The following FBXO16 variants were observed in gnomAD, a reference collection of about 807,000 sequenced individuals.
The protein encoded by FBXO16 is F-box protein 16.
Under a neutral mutation model 41.0 loss-of-function variants are expected in FBXO16, and 31 were observed. That is an observed-to-expected ratio of 0.76 (90% CI 0.57 to 1.02). FBXO16 has a LOEUF of 1.02. Among genes scored for constraint, FBXO16 ranks in the 50% least tolerant of loss-of-function variants. FBXO16 has a pLI of 0.00. For missense variants in FBXO16, 361 were observed against 346.2 expected, an observed-to-expected ratio of 1.04 and a Z score of -0.34; for synonymous variants, 133 against 117.8, an observed-to-expected ratio of 1.13 and a Z score of -0.84.
In FBXO16 at chr8:28,428,601, G is replaced by A. The variant is rs1585885032; in HGVS notation, c.*126C>T. On this transcript the variant is annotated 3_prime_UTR_variant, in exon 9 of 9. Transcript: ENST00000380254. The stretch of plus-strand genomic sequence containing the variant: ...TCTGGAACCTGGATGAGTCATGCTT[G>A]GGGCCCAGGGTGCCTGTGAGGATGC... 6 of 1,551,384 alleles carry A rather than the reference G, an allele frequency of 3.9e-6. No homozygotes were observed. Among genetic ancestry groups the A allele is most frequent in the Non-Finnish European group, 5.2e-6 (6 of 1,146,980 alleles).
At chr8:28,482,354 T>C (rs749895940) in intron 2 of FBXO16, among the ~76,000 whole-genome samples, 1 of 152,098 alleles carries the variant, frequency 6.6e-6, no homozygotes, top group African/African-American at 2.4e-5. Context: ...ATGGTGATTG[T>C]GTTTTCCTGA....
intron 4 of FBXO16, among the ~76,000 whole-genome samples, chr8:28,458,762 A>G (rs1382556852): frequency 1.3e-5 from 2 of 151,740 alleles, no homozygotes. Flanking sequence ...TCTTCTTTAG[A>G]TCACGTTTTG....
intron 1 of FBXO16, among the ~76,000 whole-genome samples, chr8:28,488,300 T>G (rs988276892): frequency 1.4e-5 from 2 of 138,294 alleles, no homozygotes; most frequent in African/African-American, 5.5e-5. Flanking sequence ...AGCCTTTTTT[T>G]TTTTTTTTTT....
chr8:28,436,447 G>A (rs1418569672), intron 7 of FBXO16, among the ~76,000 whole-genome samples: 3 of 152,192 alleles, frequency 2.0e-5, no homozygotes, highest in Admixed American at 6.6e-5. Context: ...CACAGGCCTG[G>A]CTTTGTGTTT....
intron 7 of FBXO16, among the ~76,000 whole-genome samples, chr8:28,442,149 A>G (rs1802791136): frequency 6.6e-6 from 1 of 151,928 alleles, no homozygotes; most frequent in Middle Eastern, 3.2e-3. Context: ...CACGTTGGCC[A>G]GGCCGGTCTC....
chr8:28,462,377 C>G (rs987576992), intron 4 of FBXO16, among the ~76,000 whole-genome samples: 1 of 151,220 alleles, frequency 6.6e-6, no homozygotes, highest in Non-Finnish European at 1.5e-5. Context: ...CTCCCAGGTT[C>G]ACGCCATTCT....
At chr8:28,439,623 G>A (rs111433915) in intron 7 of FBXO16, among the ~76,000 whole-genome samples, 1 of 151,856 alleles carries the variant, frequency 6.6e-6, no homozygotes, top group African/African-American at 2.4e-5. Context: ...TGGTGCACAG[G>A]TCCCGGCTAC....
chr8:28,463,731 G>C lies in FBXO16; in HGVS notation c.223C>G (p.Arg75Gly), dbSNP rs777366526. 2.5e-6 allele frequency: 4 copies of C among 1,614,054 alleles called. No homozygotes were observed. The highest frequency in any genetic ancestry group is 1.3e-5 in the African/African-American group (1 of 74,918). ...CSLSQQKFCCRKLQEKIPAEA... is the reference protein window; with the variant it reads ...CSLSQQKFCCGKLQEKIPAEA... Reference sequence around the variant, plus strand: ...GCTGGAATTTTCTCTTGAAGCTTTCGACAGCAGAACTTTTGCTGGGACAGC... The same window carrying C: ...GCTGGAATTTTCTCTTGAAGCTTTCCACAGCAGAACTTTTGCTGGGACAGC... The change falls in exon 4 of 9, where the codon CGA becomes GGA. Residue 75 changes from arginine (R) to glycine (G), a missense_variant. Coordinates refer to ENST00000380254, the MANE Select transcript of FBXO16 (RefSeq NM_172366.4).
intron 7 of FBXO16, among the ~76,000 whole-genome samples, chr8:28,433,104 T>TAAC (rs10551699): frequency 0.049 from 6,483 of 132,840 alleles, 366 homozygotes; most frequent in East Asian, 0.22. Context: ...AAACAAAACA[T>TAAC]AACAACAACA....
At chr8:28,471,429 TC>T (rs1803332533) in intron 3 of FBXO16, among the ~76,000 whole-genome samples, 1 of 151,458 alleles carries the variant, frequency 6.6e-6, no homozygotes, top group Non-Finnish European at 1.5e-5. Context: ...CTTCCTTCCT[TC>T]CCTCCTTCCT....
chr8:28,448,208 G>A (rs910689769), intron 6 of FBXO16, among the ~76,000 whole-genome samples: 2 of 151,828 alleles, frequency 1.3e-5, no homozygotes, highest in East Asian at 1.9e-4. Flanking sequence ...GGGCATGGTG[G>A]TGCATGCCTG....
At position 28,469,853 on chromosome 8, in the gene FBXO16, A is replaced by G. The variant is rs1177937890; in HGVS notation, c.135+3919T>C. Among the ~76,000 whole-genome samples, 4 of 151,826 alleles carry G rather than the reference A, an allele frequency of 2.6e-5. No individual in the cohort carries two copies. The East Asian group carries it at 7.7e-4, about 29-fold the overall frequency. The stretch of plus-strand genomic sequence containing the variant: ...GAGGCGGAGGTTGCAGTGAGCCGAG[A>G]TCGCGCCAATGCACTCCAGCCTGGG... On this transcript the variant is annotated intron_variant, in intron 3 of 8. Transcript: ENST00000380254.
chr8:28,483,592 G>A, intron 1 of FBXO16, 130 bp from the exon 2 acceptor site: 1 of 631,190 alleles, frequency 1.6e-6, no homozygotes. Flanking sequence ...GCTGAGGTGG[G>A]CGGATCACTT....
chr8:28,471,432 CTCCT>C lies in FBXO16; in HGVS notation c.135+2336_135+2339del, dbSNP rs200929425. ...TCCCCTTCCTTCCTTCCTTCCTTCC[CTCCT>C]TCCTTCCTCTCTCTTTCTTTCTTTC... On this transcript the variant is annotated intron_variant, in intron 3 of 8. Transcript: ENST00000380254. 3.2e-3 allele frequency among the ~76,000 whole-genome samples: 479 copies of C among 149,684 alleles called. 6 individuals carry two copies. In the East Asian group the frequency reaches 0.049, roughly 15 times the overall value.
At chr8:28,446,322 G>A (rs1277391276) in intron 7 of FBXO16, among the ~76,000 whole-genome samples, 3 of 151,064 alleles carry the variant, frequency 2.0e-5, no homozygotes, top group East Asian at 2.0e-4. Context: ...ATAGGCATGT[G>A]CCACCACGCC....
chr8:28,474,380 G>GAAAAAA (rs1803390182), intron 2 of FBXO16, among the ~76,000 whole-genome samples: 1 of 97,506 alleles, frequency 1.0e-5, no homozygotes, highest in Non-Finnish European at 2.4e-5. Context: ...AAGAAAAAAT[G>GAAAAAA]AAAGAAAAGA....
intron 7 of FBXO16, among the ~76,000 whole-genome samples, chr8:28,432,128 AGT>A (rs56917233): frequency 0.27 from 39,070 of 142,546 alleles, 5,183 homozygotes; most frequent in East Asian, 0.36. Context: ...CTATGTATGG[AGT>A]GTGTGTGTGT....
chr8:28,482,128 G>C (rs1225827096), intron 2 of FBXO16, among the ~76,000 whole-genome samples: 4 of 152,144 alleles, frequency 2.6e-5, no homozygotes, highest in Non-Finnish European at 2.9e-5. Flanking sequence ...AGTTGTTTTT[G>C]ACCCAAGAAT....
chr8:28,453,765 ATTAT>A (rs1409893433), intron 5 of FBXO16, among the ~76,000 whole-genome samples: 1 of 151,898 alleles, frequency 6.6e-6, no homozygotes, highest in Non-Finnish European at 1.5e-5. Context: ...CAGTGTTGTA[ATTAT>A]TTGTTTATTT....
Sources: allele counts gnomAD v4.1 joint callset (sites outside exome capture counted in the v4.1 genomes callset), GRCh38; gene constraint gnomAD v4.1.1; transcripts MANE v1.5; gene names NCBI Gene and HGNC (gene_info 2026-07-23, HGNC 2026-07-21).